Variants in ARHGAP32 observed in about 807,000 individuals in gnomAD.
ARHGAP32 encodes the protein rho GTPase-activating protein 32.
A neutral mutation model predicts 186.5 loss-of-function variants in ARHGAP32; 51 were observed. The observed-to-expected ratio is 0.27, with a 90% CI of 0.22 to 0.35. The LOEUF is 0.35. Ranked by LOEUF, ARHGAP32 falls within the 10% of genes least tolerant of loss-of-function variation. ARHGAP32 has a pLI of 1.00. For synonymous variants in ARHGAP32, 950 were observed against 964.3 expected (o/e 0.99, Z 0.27); for missense variants, 2,186 against 2,623.5 (o/e 0.83, Z 3.64).
intron 11 of ARHGAP32, among the ~76,000 whole-genome samples, chr11:129,016,314 A>T: frequency 6.6e-6 from 1 of 152,158 alleles, no homozygotes; most frequent in Non-Finnish European, 1.5e-5. Context: ...TCTATGGTTT[A>T]TCTTTTATTG....
At chr11:129,211,915 G>C (rs1045278657) in intron 1 of ARHGAP32, among the ~76,000 whole-genome samples, 2 of 152,184 alleles carry the variant, frequency 1.3e-5, no homozygotes. Context: ...AGCACTTTGG[G>C]AGGATGAGGT....
intron 1 of ARHGAP32, among the ~76,000 whole-genome samples, chr11:129,249,270 A>G (rs1287527364): frequency 1.3e-5 from 2 of 152,134 alleles, no homozygotes; most frequent in Non-Finnish European, 2.9e-5. Flanking sequence ...AAAAACAGTA[A>G]TACTCTTTAT....
intron 2 of ARHGAP32, among the ~76,000 whole-genome samples, chr11:129,128,773 C>G (rs1364243176): frequency 3.3e-5 from 5 of 152,176 alleles, no homozygotes; most frequent in Non-Finnish European, 7.4e-5. Flanking sequence ...TTGGTGGAGA[C>G]GGGGTTTCGC....
At chr11:129,059,020 T>C (rs1366299705) in intron 10 of ARHGAP32, among the ~76,000 whole-genome samples, 1 of 152,246 alleles carries the variant, frequency 6.6e-6, no homozygotes, top group Admixed American at 6.5e-5. Context: ...AGTAAACATG[T>C]ATGCTTTGCA....
chr11:129,100,925 GC>G (rs1337103901), intron 5 of ARHGAP32, among the ~76,000 whole-genome samples: 2 of 152,158 alleles, frequency 1.3e-5, no homozygotes. Context: ...CTCTGCTGCA[GC>G]TGCTGTTACA....
chr11:129,020,989 A>C (rs893653396), intron 11 of ARHGAP32, among the ~76,000 whole-genome samples: 1 of 152,088 alleles, frequency 6.6e-6, no homozygotes, highest in African/African-American at 2.4e-5. Context: ...GAATTAAATG[A>C]AACAGTTTGC....
At chr11:128,993,550 A>C (rs1216326049) in intron 12 of ARHGAP32, among the ~76,000 whole-genome samples, 1 of 151,902 alleles carries the variant, frequency 6.6e-6, no homozygotes, top group South Asian at 2.1e-4. Context: ...ATTTTATTCT[A>C]ATTATTTTAG....
chr11:129,180,147 A>G (rs1007927899), intron 1 of ARHGAP32, among the ~76,000 whole-genome samples: 1 of 152,112 alleles, frequency 6.6e-6, no homozygotes, highest in Non-Finnish European at 1.5e-5. Flanking sequence ...ATAAATCAAC[A>G]ATACTAGTTT....
At chr11:129,039,758 T>C (rs1939511042) in intron 11 of ARHGAP32, among the ~76,000 whole-genome samples, 1 of 152,228 alleles carries the variant, frequency 6.6e-6, no homozygotes, top group African/African-American at 2.4e-5. Context: ...AATAACGCCG[T>C]ATTTTTAAAA....
chr11:129,088,598 A>C (rs1357733914), intron 6 of ARHGAP32, among the ~76,000 whole-genome samples: 1 of 152,168 alleles, frequency 6.6e-6, no homozygotes, highest in Non-Finnish European at 1.5e-5. Flanking sequence ...ATCAATCAAT[A>C]AAATAGAGCC....
chr11:129,081,893 T>C (rs982824877), intron 6 of ARHGAP32, among the ~76,000 whole-genome samples: 4 of 152,118 alleles, frequency 2.6e-5, no homozygotes, highest in African/African-American at 9.7e-5. Flanking sequence ...GATAAGTGAA[T>C]TTAGTAAAGT....
chr11:129,067,666 C>T (rs1378753145), intron 6 of ARHGAP32, among the ~76,000 whole-genome samples: 3 of 151,966 alleles, frequency 2.0e-5, no homozygotes, highest in African/African-American at 7.3e-5. Flanking sequence ...TAATGATGAG[C>T]AAATCCCGAC....
chr11:129,110,073 A>C (rs1405237837), intron 5 of ARHGAP32, among the ~76,000 whole-genome samples: 2 of 152,148 alleles, frequency 1.3e-5, no homozygotes, highest in African/African-American at 4.8e-5. Flanking sequence ...TTATAGATTC[A>C]GGTCTTACAT....
At chr11:129,040,886 C>T (rs1365793965) in intron 11 of ARHGAP32, 42 bp downstream of exon 11, 2 of 1,383,322 alleles carry the variant, frequency 1.4e-6, no homozygotes, top group South Asian at 2.5e-5. Flanking sequence ...TGTCTTCAAG[C>T]AGTTGATAAA....
chr11:129,205,758 CA>C (rs1944507504), intron 1 of ARHGAP32, among the ~76,000 whole-genome samples: 1 of 152,090 alleles, frequency 6.6e-6, no homozygotes, highest in Non-Finnish European at 1.5e-5. Context: ...GAAAAGGAAA[CA>C]AAATTCTCAT....
intron 12 of ARHGAP32, among the ~76,000 whole-genome samples, chr11:128,992,144 C>T (rs962165361): frequency 7.2e-5 from 11 of 152,094 alleles, no homozygotes; most frequent in East Asian, 1.9e-4. Flanking sequence ...TTATCTGGGC[C>T]TTGCTTTTTC....
chr11:129,217,393 T>C (rs1944660837), intron 1 of ARHGAP32, among the ~76,000 whole-genome samples: 1 of 152,138 alleles, frequency 6.6e-6, no homozygotes, highest in Admixed American at 6.6e-5. Flanking sequence ...GCAAGATAGG[T>C]CACCCTGGGG....
At chr11:129,122,627 C>G (rs1334892796) in intron 5 of ARHGAP32, among the ~76,000 whole-genome samples, 2 of 152,074 alleles carry the variant, frequency 1.3e-5, no homozygotes, top group Admixed American at 6.6e-5. Context: ...ATGTCCTTCA[C>G]TTTCATAAAT....
chr11:129,179,129 C>T (rs868080980), intron 1 of ARHGAP32, among the ~76,000 whole-genome samples: 90 of 151,858 alleles, frequency 5.9e-4, no homozygotes, highest in African/African-American at 1.4e-3. Context: ...AAAAAGTGGG[C>T]GAAGGACATG....
Sources: gnomAD v4.1 joint callset for allele counts (sites outside exome capture counted in the v4.1 genomes callset) on GRCh38, gnomAD v4.1.1 for gene constraint, MANE v1.5 for transcripts, NCBI Gene and HGNC (gene_info 2026-07-23, HGNC 2026-07-21) for gene names.